Variants in NXPH1 observed in about 807,000 individuals in gnomAD.
NXPH1 encodes neurexophilin-1.
A neutral mutation model predicts 23.7 loss-of-function variants in NXPH1; 5 were observed. The observed-to-expected ratio is 0.21, with a 90% CI of 0.11 to 0.44. The LOEUF (loss-of-function observed/expected upper bound fraction) is 0.44, where lower values mean the gene tolerates loss of function less well. Ranked by LOEUF, NXPH1 falls within the 20% of genes least tolerant of loss-of-function variation. The pLI, the probability that NXPH1 is intolerant of heterozygous loss-of-function variation, is 0.99. For missense variants in NXPH1, 324 were observed against 321.6 expected (o/e 1.01, Z -0.06); for synonymous variants, 144 against 122.2 (o/e 1.18, Z -1.18).
chr7:8,517,587 C>A (rs919701739), intron 2 of NXPH1, among the ~76,000 whole-genome samples: 1 of 152,092 alleles, frequency 6.6e-6, no homozygotes, highest in African/African-American at 2.4e-5. Context: ...CAGACAGATA[C>A]ACAAGGACTG....
At chr7:8,715,255 C>T (rs1435073261) in intron 2 of NXPH1, among the ~76,000 whole-genome samples, 2 of 152,102 alleles carry the variant, frequency 1.3e-5, no homozygotes, top group East Asian at 1.9e-4. Flanking sequence ...CTCTCCCTCC[C>T]GCAGGTGCCC....
At chr7:8,606,546 C>A (rs1819496696) in intron 2 of NXPH1, among the ~76,000 whole-genome samples, 3 of 152,108 alleles carry the variant, frequency 2.0e-5, no homozygotes. Flanking sequence ...TCAAGAAAAC[C>A]ATCTGAAACA....
At chr7:8,622,949 A>T (rs776906674) in intron 2 of NXPH1, among the ~76,000 whole-genome samples, 4 of 152,172 alleles carry the variant, frequency 2.6e-5, no homozygotes, top group Non-Finnish European at 5.9e-5. Context: ...TGTTAACATG[A>T]AATTTATTGT....
chr7:8,678,142 A>G (rs1475306358), intron 2 of NXPH1, among the ~76,000 whole-genome samples: 1 of 152,158 alleles, frequency 6.6e-6, no homozygotes, highest in African/African-American at 2.4e-5. Context: ...AGTACTCTCT[A>G]AAGTAGGTGA....
chr7:8,748,575 G>A (rs555328857), intron 2 of NXPH1, among the ~76,000 whole-genome samples: 15 of 152,158 alleles, frequency 9.9e-5, no homozygotes, highest in Non-Finnish European at 1.9e-4. Flanking sequence ...ATTCTCCATT[G>A]GTCAGTGTTA....
chr7:8,737,762 G>T (rs1444313949), intron 2 of NXPH1, among the ~76,000 whole-genome samples: 1 of 152,168 alleles, frequency 6.6e-6, no homozygotes, highest in East Asian at 1.9e-4. Flanking sequence ...GTCACTTTCA[G>T]GTACACCAGT....
chr7:8,488,735 C>T (rs1817202764), intron 2 of NXPH1, among the ~76,000 whole-genome samples: 1 of 152,116 alleles, frequency 6.6e-6, no homozygotes, highest in South Asian at 2.1e-4. Flanking sequence ...TGAGTTTCTA[C>T]ATCTGTAAAA....
chr7:8,614,032 A>C (rs936752309), intron 2 of NXPH1, among the ~76,000 whole-genome samples: 6 of 151,844 alleles, frequency 4.0e-5, no homozygotes, highest in Non-Finnish European at 8.8e-5. Flanking sequence ...AGAGTATACT[A>C]AGTTTACTAT....
intron 2 of NXPH1, among the ~76,000 whole-genome samples, chr7:8,671,372 ATTGCCAATATGATGTTTGG>A (rs1211249110): frequency 6.6e-6 from 1 of 152,114 alleles, no homozygotes; most frequent in African/African-American, 2.4e-5. Context: ...ACTCTTTTTG[ATTGCCAATATGATGTTTGG>A]TTTCAGAGAC....
chr7:8,576,204 C>G (rs565650056), intron 2 of NXPH1, among the ~76,000 whole-genome samples: 1 of 152,278 alleles, frequency 6.6e-6, no homozygotes, highest in East Asian at 1.9e-4. Flanking sequence ...TGTTTGAAAA[C>G]TCCATTCATT....
rs539461034 is a variant in NXPH1, at chr7:8,735,937, T to G, written c.55-15071T>G. Among the ~76,000 whole-genome samples, 3 of 152,352 alleles carry G rather than the reference T, an allele frequency of 2.0e-5. No homozygotes were observed. The East Asian group carries it at 5.8e-4, about 29-fold the overall frequency. On this transcript the variant is annotated intron_variant, in intron 2 of 2. Transcript: ENST00000405863. ...TTTATTTGCATAGAGTTGTTTATAG[T>G]ATTCTCTAATAGTAGTTTGTATTTC...
At chr7:8,701,969 T>C (rs1779629808) in intron 2 of NXPH1, among the ~76,000 whole-genome samples, 1 of 152,058 alleles carries the variant, frequency 6.6e-6, no homozygotes, top group Non-Finnish European at 1.5e-5. Flanking sequence ...TGCAAATTTA[T>C]TGAATAAAAT....
intron 2 of NXPH1, among the ~76,000 whole-genome samples, chr7:8,705,131 G>T (rs1329705730): frequency 6.6e-6 from 1 of 152,128 alleles, no homozygotes; most frequent in Non-Finnish European, 1.5e-5. Context: ...GGTAAAGCAA[G>T]CCAGGCATGT....
chr7:8,538,356 A>G (rs571236846), intron 2 of NXPH1, among the ~76,000 whole-genome samples: 74 of 151,970 alleles, frequency 4.9e-4, no homozygotes, highest in Non-Finnish European at 9.3e-4. Context: ...TCTTCATACA[A>G]TATGGAGATA....
chr7:8,628,897 T>C (rs1045750629), intron 2 of NXPH1, among the ~76,000 whole-genome samples: 10 of 151,098 alleles, frequency 6.6e-5, no homozygotes, highest in African/African-American at 2.4e-4. Context: ...CCGTATGGGG[T>C]TGAGATGACG....
chr7:8,678,961 T>TTTG (rs1562452137), intron 2 of NXPH1, among the ~76,000 whole-genome samples: 21 of 88,222 alleles, frequency 2.4e-4, no homozygotes, highest in Middle Eastern at 5.4e-3. Flanking sequence ...TTTTTTTTTT[T>TTTG]TTGTTGAGAC....
intron 2 of NXPH1, among the ~76,000 whole-genome samples, chr7:8,691,141 T>G (rs1218156426): frequency 2.0e-5 from 3 of 152,126 alleles, no homozygotes; most frequent in African/African-American, 7.2e-5. Context: ...TTAGAACTTC[T>G]TTATTTTATT....
intron 2 of NXPH1, among the ~76,000 whole-genome samples, chr7:8,529,993 A>C (rs1285434961): frequency 6.6e-6 from 1 of 152,236 alleles, no homozygotes; most frequent in African/African-American, 2.4e-5. Flanking sequence ...ACTTTGAAGT[A>C]ATCACTAGTT....
intron 2 of NXPH1, among the ~76,000 whole-genome samples, chr7:8,603,030 C>T (rs1363976941): frequency 2.6e-5 from 4 of 152,062 alleles, no homozygotes; most frequent in Admixed American, 6.6e-5. Context: ...AGGTTGGTCT[C>T]GAACTTCTAG....
Sources: gnomAD v4.1 joint callset for allele counts (sites outside exome capture counted in the v4.1 genomes callset) on GRCh38, gnomAD v4.1.1 for gene constraint, MANE v1.5 for transcripts, NCBI Gene and HGNC (gene_info 2026-07-23, HGNC 2026-07-21) for gene names.